The following CYRIB variants were observed in gnomAD, a reference collection of about 807,000 sequenced individuals.
The protein encoded by CYRIB is CYFIP related Rac1 interactor B, also known as CYFIP-related Rac1 interactor B.
Under a neutral mutation model 44.2 loss-of-function variants are expected in CYRIB, and 8 were observed. The ratio of observed to expected loss-of-function variants is 0.18; its 90% CI spans 0.11 to 0.33. The LOEUF (loss-of-function observed/expected upper bound fraction) is 0.33. CYRIB is among the 10% of genes least tolerant of loss of function. The probability of loss-of-function intolerance (pLI) is 1.00; values close to 1 mark genes in which losing one functional copy is unlikely to be tolerated. For synonymous variants in CYRIB, 131 were observed against 127.2 expected (o/e 1.03, Z -0.20); for missense variants, 185 against 382.8 (o/e 0.48, Z 4.31).
rs1057334312 is a variant in CYRIB, at chr8:129,923,385, G to A, written c.-50+16223C>T. Among the ~76,000 whole-genome samples, 7 of 151,496 alleles carry A rather than the reference G, an allele frequency of 4.6e-5. 1 individual carries two copies. The South Asian group carries it at 1.0e-3, about 23-fold the overall frequency. ...TGCCTCCCAGGTTCAAGCGATTCTC[G>A]TTCCTCAGCCTCCCAAGTAGCTGGG... On this transcript the variant is annotated intron_variant, in intron 1 of 11. Coordinates refer to ENST00000519824, the Ensembl canonical transcript of CYRIB.
chr8:129,983,331 G>A (rs887679304), intron 1 of CYRIB, among the ~76,000 whole-genome samples: 8 of 152,152 alleles, frequency 5.3e-5, no homozygotes, highest in Non-Finnish European at 1.2e-4. Context: ...TGTAGTCCCA[G>A]CTACTCGGGA....
chr8:129,949,640 G>A (rs1287447933), intron 2 of CYRIB, among the ~76,000 whole-genome samples: 1 of 151,956 alleles, frequency 6.6e-6, no homozygotes, highest in Non-Finnish European at 1.5e-5. Flanking sequence ...GGCCGAGGTG[G>A]GCAGATCATT....
At chr8:129,848,738 T>TTC (rs1160997001) in intron 10 of CYRIB, among the ~76,000 whole-genome samples, 87 of 150,904 alleles carry the variant, frequency 5.8e-4, no homozygotes, top group Non-Finnish European at 5.9e-5. Context: ...CTGGCTAATT[T>TTC]TTTTTTTTTT....
chr8:129,980,227 C>CAAAAAAAA (rs58630436), intron 1 of CYRIB, among the ~76,000 whole-genome samples: 1 of 91,756 alleles, frequency 1.1e-5, no homozygotes, highest in Admixed American at 1.2e-4. Context: ...GACTCCATCT[C>CAAAAAAAA]AAAAAAAAAA....
At chr8:129,889,029 T>G (rs769197057) in intron 2 of CYRIB, among the ~76,000 whole-genome samples, 1 of 151,978 alleles carries the variant, frequency 6.6e-6, no homozygotes, top group Non-Finnish European at 1.5e-5. Context: ...GAGGCAGAGG[T>G]TGCAGTGAGC....
At chr8:129,859,992 T>C (rs2048489455) in intron 5 of CYRIB, among the ~76,000 whole-genome samples, 4 of 152,298 alleles carry the variant, frequency 2.6e-5, no homozygotes, top group African/African-American at 4.8e-5. Context: ...CCCTGTCCCA[T>C]TGTAAGTATG....
chr8:129,855,837 C>T, intron 5 of CYRIB, 90 bp from the exon 8 acceptor site: 1 of 1,228,476 alleles, frequency 8.1e-7, no homozygotes, highest in Non-Finnish European at 1.1e-6. Flanking sequence ...AATGTTAATT[C>T]CCAGAAAAGT....
chr8:129,945,646 G>T (rs1288413545), intron 2 of CYRIB, among the ~76,000 whole-genome samples: 1 of 152,096 alleles, frequency 6.6e-6, no homozygotes, highest in Admixed American at 6.5e-5. Flanking sequence ...TCCACTCACT[G>T]CAGCCTCCGC....
intron 5 of CYRIB, among the ~76,000 whole-genome samples, chr8:129,858,416 A>G (rs2047372948): frequency 6.6e-6 from 1 of 152,230 alleles, no homozygotes; most frequent in Admixed American, 6.5e-5. Flanking sequence ...TTGCAAGGAA[A>G]AGACAACTAG....
chr8:129,941,579 T>C (rs1297169117), upstream of CYRIB, among the ~76,000 whole-genome samples: 1 of 152,090 alleles, frequency 6.6e-6, no homozygotes, highest in Non-Finnish European at 1.5e-5. Context: ...CAGCTGGAGA[T>C]GATGTTTTAC....
At chr8:129,927,710 T>A (rs1156490810) in intron 1 of CYRIB, among the ~76,000 whole-genome samples, 1 of 152,238 alleles carries the variant, frequency 6.6e-6, no homozygotes, top group Non-Finnish European at 1.5e-5. Context: ...TCAATTTTTT[T>A]ATAAATATGA....
At chr8:129,940,060 G>A (rs552151312), upstream of CYRIB, 3 of 152,320 alleles carry the variant, frequency 2.0e-5, no homozygotes, top group African/African-American at 7.2e-5. Context: ...CCTCCTTAAA[G>A]GGGCAGCACC....
chr8:129,922,585 C>A (rs1050675002), intron 1 of CYRIB, among the ~76,000 whole-genome samples: 2 of 152,082 alleles, frequency 1.3e-5, no homozygotes, highest in African/African-American at 4.8e-5. Flanking sequence ...TAATAAAGGC[C>A]GGGCGCGGTG....
At chr8:129,914,070 T>C (rs2079473889) in intron 1 of CYRIB, among the ~76,000 whole-genome samples, 1 of 152,232 alleles carries the variant, frequency 6.6e-6, no homozygotes, top group Non-Finnish European at 1.5e-5. Flanking sequence ...ATACCTGTTA[T>C]TCACTAAATG....
At chr8:129,973,406 C>T (rs979772830) in intron 1 of CYRIB, among the ~76,000 whole-genome samples, 2 of 152,168 alleles carry the variant, frequency 1.3e-5, no homozygotes, top group East Asian at 1.9e-4. Flanking sequence ...GGATGGGCCT[C>T]GGTATGTCAG....
chr8:129,862,541 GCT>G (rs1200539537), intron 4 of CYRIB, among the ~76,000 whole-genome samples: 1 of 152,060 alleles, frequency 6.6e-6, no homozygotes, highest in Non-Finnish European at 1.5e-5. Flanking sequence ...CGTGATCTCG[GCT>G]CTCTACAACC....
At chr8:129,949,686 A>G (rs891816887) in intron 2 of CYRIB, among the ~76,000 whole-genome samples, 1 of 151,704 alleles carries the variant, frequency 6.6e-6, no homozygotes, top group Non-Finnish European at 1.5e-5. Context: ...TGACCAACAC[A>G]TAGAGAAACC....
chr8:129,844,230 AAG>A (rs1429833388), intron 11 of CYRIB: 2 of 152,234 alleles, frequency 1.3e-5, no homozygotes, highest in Non-Finnish European at 2.9e-5. Context: ...GTACTATTCA[AAG>A]AGTGCTAAGT....
intron 9 of CYRIB, 85 bp from the exon 12 acceptor site, chr8:129,849,454 G>A: frequency 2.3e-6 from 3 of 1,329,686 alleles, no homozygotes. Context: ...AACCTCTTCT[G>A]AAATATTTTA....
Sources: gnomAD v4.1 joint callset for allele counts (sites outside exome capture counted in the v4.1 genomes callset) on GRCh38, gnomAD v4.1.1 for gene constraint, MANE v1.5 for transcripts, NCBI Gene and HGNC (gene_info 2026-07-23, HGNC 2026-07-21) for gene names.